The following RUFY3 variants were observed in gnomAD, a reference collection of about 807,000 sequenced individuals.
The protein encoded by RUFY3 is RUN and FYVE domain containing 3.
Under a neutral mutation model 84.0 loss-of-function variants are expected in RUFY3, and 34 were observed. The observed-to-expected ratio is 0.40, with a 90% CI of 0.31 to 0.54. The LOEUF is 0.54. RUFY3 is among the 20% of genes least tolerant of loss of function. The pLI, the probability that RUFY3 is intolerant of heterozygous loss-of-function variation, is 0.39. For missense variants in RUFY3, 507 were observed against 736.8 expected, an observed-to-expected ratio of 0.69 and a Z score of 3.61; for synonymous variants, 242 against 252.9, an observed-to-expected ratio of 0.96 and a Z score of 0.41.
At chr4:70,794,720 G>A (rs1731293864) in intron 13 of RUFY3, 75 bp from the exon 14 acceptor site, 1 of 913,788 alleles carries the variant, frequency 1.1e-6, no homozygotes, top group Non-Finnish European at 1.8e-6. Flanking sequence ...TTAAGACAAG[G>A]GGTTGGCATT....
chr4:70,709,027 C>T (rs1294192247), intron 1 of RUFY3, among the ~76,000 whole-genome samples: 2 of 152,126 alleles, frequency 1.3e-5, no homozygotes, highest in Non-Finnish European at 2.9e-5. Flanking sequence ...CACTGTATTC[C>T]AGTCATGGTA....
At position 70,727,647 on chromosome 4, in the gene RUFY3, C is replaced by T. The variant is rs182883798; in HGVS notation, c.178+4896C>T. The stretch of plus-strand genomic sequence containing the variant: ...CTGGGATTACAAAAAATTAGCTGGG[C>T]GTGGTGGCGGGTGCCTGTAATCCCA... On this transcript the variant is annotated intron_variant, in intron 1 of 17. Transcript: ENST00000381006. Among the ~76,000 whole-genome samples, 441 of 149,100 alleles carry T rather than the reference C, an allele frequency of 3.0e-3. 4 individuals are homozygous for T. Among genetic ancestry groups the T allele is most frequent in the African/African-American group, 9.7e-3 (396 of 40,784 alleles).
intron 12 of RUFY3, among the ~76,000 whole-genome samples, chr4:70,790,369 C>A (rs758120890): frequency 1.1e-4 from 16 of 152,346 alleles, no homozygotes; most frequent in African/African-American, 3.8e-4. Context: ...ACCCTTAACA[C>A]CTGTTTGTCA....
intron 5 of RUFY3, among the ~76,000 whole-genome samples, chr4:70,769,635 T>C (rs2148726174): frequency 6.6e-6 from 1 of 152,336 alleles, no homozygotes; most frequent in Admixed American, 6.5e-5. Context: ...TTACAAAAGA[T>C]TTCTCTGTAG....
chr4:70,770,269 C>T (rs1182276151), intron 5 of RUFY3, among the ~76,000 whole-genome samples: 5 of 152,220 alleles, frequency 3.3e-5, no homozygotes, highest in African/African-American at 7.2e-5. Context: ...CTGTCCTTTG[C>T]AGCTTTGAAG....
chr4:70,727,544 C>T (rs1013958697), intron 1 of RUFY3, among the ~76,000 whole-genome samples: 2 of 150,902 alleles, frequency 1.3e-5, no homozygotes, highest in Admixed American at 6.6e-5. Flanking sequence ...TTAGTAGAGA[C>T]GGGGTTTCAC....
At chr4:70,793,631 A>G in intron 12 of RUFY3, 154 bp from the exon 13 acceptor site, 10 of 1,492,420 alleles carry the variant, frequency 6.7e-6, no homozygotes, top group Non-Finnish European at 8.0e-6. Context: ...TTTCCCCCCC[A>G]TAATTTCTTC....
intron 12 of RUFY3, chr4:70,792,840 C>T (rs1050117507): frequency 2.2e-5 from 22 of 985,228 alleles, no homozygotes; most frequent in African/African-American, 3.5e-5. Flanking sequence ...ATCCTGTGCT[C>T]TTGAACTTAT....
chr4:70,729,951 T>TTTTA (rs1718959523), intron 1 of RUFY3, among the ~76,000 whole-genome samples: 1 of 149,536 alleles, frequency 6.7e-6, no homozygotes, highest in African/African-American at 2.5e-5. Context: ...TTTTTTTTTT[T>TTTTA]GAGATGGAGT....
intron 1 of RUFY3, among the ~76,000 whole-genome samples, chr4:70,727,069 A>C (rs1718385139): frequency 6.9e-6 from 1 of 145,394 alleles, no homozygotes; most frequent in Non-Finnish European, 1.5e-5. Flanking sequence ...TAACCGAAGC[A>C]ATGTTGGAAG....
In RUFY3 at chr4:70,806,759, T is replaced by C; in HGVS notation, c.*100T>C. ...ATAGAGCCCAGTTCTTAGAGTCAAC[T>C]AAAGAGTTGATAGGAATTTACTAGG... On this transcript the variant is annotated 3_prime_UTR_variant, in exon 18 of 18. Transcript: ENST00000381006. 1 of 1,408,510 alleles carries C rather than the reference T, an allele frequency of 7.1e-7. No individual in the cohort carries two copies. The highest frequency in any genetic ancestry group is 2.1e-5 in the Admixed American group (1 of 47,646). The allele number at this position is 1,408,510 out of a possible 1,614,324, so 87.3% of individuals were successfully genotyped here.
intron 1 of RUFY3, among the ~76,000 whole-genome samples, chr4:70,711,017 A>G (rs1267333945): frequency 6.9e-6 from 1 of 144,724 alleles, no homozygotes; most frequent in Non-Finnish European, 1.5e-5. Context: ...GTGAGCCAAG[A>G]TCCGCCACTA....
intron 1 of RUFY3, among the ~76,000 whole-genome samples, chr4:70,726,275 C>T (rs1718219747): frequency 6.6e-6 from 1 of 152,168 alleles, no homozygotes; most frequent in Non-Finnish European, 1.5e-5. Context: ...AAGCTAGGTT[C>T]CCTTTACCAG....
At chr4:70,775,670 T>C (rs1395787758) in intron 7 of RUFY3, among the ~76,000 whole-genome samples, 1 of 152,102 alleles carries the variant, frequency 6.6e-6, no homozygotes, top group Non-Finnish European at 1.5e-5. Context: ...ATCGTCCAGG[T>C]GTGCTGGGCC....
chr4:70,768,387 T>C, intron 4 of RUFY3, 151 bp from the exon 5 acceptor site: 1 of 685,704 alleles, frequency 1.5e-6, no homozygotes, highest in Non-Finnish European at 2.3e-6. Flanking sequence ...CTAAAGCCTT[T>C]CTTTTTGTAG....
At position 70,730,904 on chromosome 4, in the gene RUFY3, GTCT is replaced by G. The variant is rs550811763; in HGVS notation, c.178+8159_178+8161del. Among the ~76,000 whole-genome samples, 61 of 152,278 alleles carry G rather than the reference GTCT, an allele frequency of 4.0e-4. No individual in the cohort carries two copies. In the South Asian group the frequency reaches 5.4e-3, roughly 13 times the overall value. The stretch of plus-strand genomic sequence containing the variant: ...AATAGGCCTGCGTGTAATAAGAGGA[GTCT>G]TCTTCCCAGTCTCTGATGACATATT... On this transcript the variant is annotated intron_variant, in intron 1 of 17. Coordinates refer to ENST00000381006, the MANE Select transcript of RUFY3 (RefSeq NM_001037442.4).
intron 5 of RUFY3, among the ~76,000 whole-genome samples, chr4:70,770,704 T>TGTCATTAAG (rs1190141591): frequency 6.6e-6 from 1 of 152,210 alleles, no homozygotes; most frequent in Admixed American, 6.5e-5. Context: ...TGTCATTCAT[T>TGTCATTAAG]TGTTCATGAG....
chr4:70,800,078 A>G, intron 14 of RUFY3, 63 bp from the exon 15 acceptor site: 2 of 1,488,422 alleles, frequency 1.3e-6, no homozygotes, highest in Non-Finnish European at 1.8e-6. Flanking sequence ...AGAAGAAAAT[A>G]TTTGCAATAT....
rs544000578 is a variant in RUFY3 at position 70,807,835 on chromosome 4, C to T, written c.*1176C>T. ...TGTTCATGGCTGAGAACAGTTAGCT[C>T]GGAATACTTACATTGTTTTTTGAAT... is the stretch of plus-strand genomic sequence containing the variant. On this transcript the variant is annotated 3_prime_UTR_variant, in exon 18 of 18. Coordinates refer to ENST00000381006, the MANE Select transcript of RUFY3 (RefSeq NM_001037442.4). 2.8e-4 allele frequency among the ~76,000 whole-genome samples: 43 copies of T among 152,118 alleles called. No individual in the cohort carries two copies. The highest frequency in any genetic ancestry group is 4.9e-4 in the Non-Finnish European group (33 of 67,994).
Sources: allele counts gnomAD v4.1 joint callset (sites outside exome capture counted in the v4.1 genomes callset), GRCh38; gene constraint gnomAD v4.1.1; transcripts MANE v1.5; gene names NCBI Gene and HGNC (gene_info 2026-07-23, HGNC 2026-07-21).